DHRSX: variants seen among roughly 807,000 people sequenced by gnomAD.
DHRSX encodes dehydrogenase/reductase X-linked.
A neutral mutation model predicts 34.0 loss-of-function variants in DHRSX; 31 were observed. The observed-to-expected ratio is 0.91, with a 90% CI of 0.69 to 1.23. The LOEUF is 1.23. Ranked by LOEUF, DHRSX falls within the 50% of genes most tolerant of loss-of-function variation. The pLI, the probability that DHRSX is intolerant of heterozygous loss-of-function variation, is 0.00. For synonymous variants in DHRSX, 201 were observed against 183.8 expected, an observed-to-expected ratio of 1.09 and a Z score of -0.76; for missense variants, 414 against 428.1, an observed-to-expected ratio of 0.97 and a Z score of 0.29.
chrX:2,464,764 T>C (rs1159097947), intron 1 of DHRSX, among the ~76,000 whole-genome samples: 2 of 149,872 alleles, frequency 1.3e-5, no homozygotes, highest in Non-Finnish European at 1.5e-5. Flanking sequence ...CTGAAGACGT[T>C]CCCTAAGCTT....
chrX:2,237,488 G>C, intron 6 of DHRSX, among the ~76,000 whole-genome samples: 1 of 152,012 alleles, frequency 6.6e-6, no homozygotes, highest in Non-Finnish European at 1.5e-5. Flanking sequence ...GATACACTCA[G>C]CATTTACAAT....
rs2015484419 is a variant in DHRSX, at chrX:2,219,780, G to A, written c.*1261C>T. The A allele has an allele frequency of 2.0e-5, 3 of 152,160 alleles. No homozygotes were observed. Among genetic ancestry groups the A allele is most frequent in the Non-Finnish European group, 4.4e-5 (3 of 68,038 alleles). The allele number at this position is 152,160 out of a possible 1,614,324, so 9.4% of individuals were successfully genotyped here. On this transcript the variant is annotated 3_prime_UTR_variant, in exon 7 of 7. Transcript: ENST00000334651. ...ATCAGTCTCACACATAAGGAGTGCA[G>A]GCTCGTAGGGTATACACAGTACTTT...
chrX:2,298,048 G>A (rs1156694715), intron 3 of DHRSX, among the ~76,000 whole-genome samples: 1 of 152,160 alleles, frequency 6.6e-6, no homozygotes, highest in South Asian at 2.1e-4. Context: ...GAGCTACCAC[G>A]CCTAGCCTGG....
At position 2,408,783 on chromosome X, in the gene DHRSX, A is replaced by G; in HGVS notation, c.248T>C (p.Val83Ala). ...AGNNDSKAKQ[V>A]VSKIKEETLN... ...GGTTTCTTCTTTTATTTTGCTTACA[A>G]CTTGTTTGGCTTTGCTGTCATTATT... The change falls in exon 3 of 7, where the codon GTT becomes GCT. Residue 83 changes from valine to alanine, a missense_variant. Transcript: ENST00000334651. 6.2e-7 allele frequency: 1 copy of G among 1,613,232 alleles called. No individual in the cohort carries two copies. Among genetic ancestry groups the G allele is most frequent in the Non-Finnish European group, 8.5e-7 (1 of 1,179,664 alleles).
chrX:2,246,887 A>T (rs2016310681), intron 5 of DHRSX, among the ~76,000 whole-genome samples: 1 of 152,160 alleles, frequency 6.6e-6, no homozygotes, highest in Non-Finnish European at 1.5e-5. Context: ...GCAAATGAGA[A>T]ATACAGAAAG....
intron 3 of DHRSX, among the ~76,000 whole-genome samples, chrX:2,385,392 G>A (rs2043260281): frequency 6.6e-6 from 1 of 152,064 alleles, no homozygotes; most frequent in African/African-American, 2.4e-5. Context: ...AGAATGGAAA[G>A]AATGTAGCAC....
chrX:2,412,128 T>C (rs766371335), intron 2 of DHRSX, among the ~76,000 whole-genome samples: 2 of 152,332 alleles, frequency 1.3e-5, no homozygotes, highest in South Asian at 4.1e-4. Flanking sequence ...GAGCAAGTAC[T>C]GCATATGCAG....
intron 1 of DHRSX, chrX:2,487,995 A>T (rs2044992194): frequency 6.6e-6 from 1 of 151,708 alleles, no homozygotes. Context: ...GTTTCTTCTA[A>T]ACCCTCCCAG....
At position 2,383,041 on chromosome X, in the gene DHRSX, CCAT is replaced by C. The variant is rs1392731186; in HGVS notation, c.286+25701_286+25703del. On this transcript the variant is annotated intron_variant, in intron 3 of 6. Coordinates refer to ENST00000334651, the MANE Select transcript of DHRSX (RefSeq NM_145177.3). ...ATCATTTCTATTACCACCACTATCA[CCAT>C]CATCATCATCACCACCATCACCATC... Among the ~76,000 whole-genome samples, 5 of 149,048 alleles carry C rather than the reference CCAT, an allele frequency of 3.4e-5. No individual in the cohort carries two copies. The East Asian group carries it at 6.2e-4, about 18-fold the overall frequency.
At chrX:2,390,264 T>A (rs1196259809) in intron 3 of DHRSX, among the ~76,000 whole-genome samples, 2 of 148,956 alleles carry the variant, frequency 1.3e-5, no homozygotes, top group Non-Finnish European at 3.0e-5. Context: ...CTGCTCAGCC[T>A]CCCAAATAGC....
At chrX:2,259,994 T>C (rs1161763570) in intron 5 of DHRSX, among the ~76,000 whole-genome samples, 2 of 151,962 alleles carry the variant, frequency 1.3e-5, no homozygotes, top group Admixed American at 1.3e-4. Context: ...TGAACCACCA[T>C]TCAATCCACT....
In DHRSX at chrX:2,473,018, G is replaced by A. The variant is rs912692274; in HGVS notation, c.109+27799C>T. Among the ~76,000 whole-genome samples, 86 of 151,892 alleles carry A rather than the reference G, an allele frequency of 5.7e-4. 1 individual carries two copies. Among genetic ancestry groups the A allele is most frequent in the Admixed American group, 4.7e-3 (72 of 15,230 alleles). ...TGGCTCCGTCACTGATCAAAGAATG[G>A]GTACCACAACTTACTGTCCACTGCA... On this transcript the variant is annotated intron_variant, in intron 1 of 6. Transcript: ENST00000334651.
rs187062701 is a variant in DHRSX at position 2,301,345 on chromosome X, C to T, written c.287-9742G>A. ...AGGGGAATCGCTTGAACCTGGGAGG[C>T]GGAGGTTGCAGTGAGCCGAGACCAT... On this transcript the variant is annotated intron_variant, in intron 3 of 6. Transcript: ENST00000334651. Among the ~76,000 whole-genome samples, 23 of 152,182 alleles carry T rather than the reference C, an allele frequency of 1.5e-4. No individual in the cohort carries two copies. In the East Asian group the frequency reaches 1.9e-3, roughly 13 times the overall value.
At chrX:2,269,696 G>A (rs1038500103) in intron 4 of DHRSX, among the ~76,000 whole-genome samples, 5 of 151,946 alleles carry the variant, frequency 3.3e-5, no homozygotes, top group Non-Finnish European at 5.9e-5. Context: ...ACCACCACAC[G>A]TGGCTAAATT....
intron 3 of DHRSX, among the ~76,000 whole-genome samples, chrX:2,399,719 A>C (rs28672950): frequency 7.9e-6 from 1 of 127,352 alleles, no homozygotes; most frequent in Non-Finnish European, 1.6e-5. Context: ...ACAAACAAAC[A>C]AAAAGCAAAA....
At chrX:2,372,585 T>C (rs1242832556) in intron 3 of DHRSX, among the ~76,000 whole-genome samples, 3 of 148,684 alleles carry the variant, frequency 2.0e-5, no homozygotes, top group South Asian at 4.3e-4. Flanking sequence ...AAGGGAGAGG[T>C]TGGTATTTCT....
intron 3 of DHRSX, among the ~76,000 whole-genome samples, chrX:2,330,146 A>G: frequency 8.6e-6 from 1 of 115,914 alleles, no homozygotes; most frequent in African/African-American, 3.5e-5. Flanking sequence ...AAGGAGGAGG[A>G]GGAGAAAGGA....
chrX:2,432,349 C>T (rs1188876297), intron 1 of DHRSX, among the ~76,000 whole-genome samples: 2 of 152,068 alleles, frequency 1.3e-5, no homozygotes, highest in African/African-American at 2.4e-5. Context: ...TTCTTTTAGG[C>T]AAACTGGACG....
At chrX:2,386,153 T>A (rs1256052944) in intron 3 of DHRSX, among the ~76,000 whole-genome samples, 2 of 137,090 alleles carry the variant, frequency 1.5e-5, no homozygotes, top group Non-Finnish European at 3.1e-5. Flanking sequence ...ATATAGATAA[T>A]CAATTATTTA....
Sources: gnomAD v4.1 joint callset for allele counts (sites outside exome capture counted in the v4.1 genomes callset) on GRCh38, gnomAD v4.1.1 for gene constraint, MANE v1.5 for transcripts, NCBI Gene and HGNC (gene_info 2026-07-23, HGNC 2026-07-21) for gene names.